ZNF544: variants seen among roughly 807,000 people sequenced by gnomAD.
ZNF544 encodes the protein zinc finger protein 544, also known as zinc finger protein AF020591.
ZNF544 carries 10 observed loss-of-function variants against 13.5 expected under a neutral mutation model. The observed-to-expected ratio is 0.74, with a 90% CI of 0.46 to 1.25. The LOEUF (loss-of-function observed/expected upper bound fraction) is 1.25, where lower values mean the gene tolerates loss of function less well. ZNF544 is among the 50% of genes most tolerant of loss of function. ZNF544 has a pLI of 0.00. For synonymous variants in ZNF544, 323 were observed against 300.5 expected (o/e 1.07, Z -0.77); for missense variants, 896 against 845.6 (o/e 1.06, Z -0.74).
At chr19:58,245,938 A>G (rs1330459476) in intron 4 of ZNF544, 1 of 340,584 alleles carries the variant, frequency 2.9e-6, no homozygotes, top group African/African-American at 2.2e-5. Context: ...TTGGGTTGCT[A>G]TAATAAGATA....
exon 7 of ZNF544, chr19:58,277,221 A>G: frequency 1.3e-6 from 1 of 747,232 alleles, no homozygotes; most frequent in Non-Finnish European, 1.6e-6. Context: ...GTACAGGGCC[A>G]GAAGGATCTG....
chr19:58,275,338 T>G (rs1600442854), intron 5 of ZNF544, among the ~76,000 whole-genome samples: 1 of 152,236 alleles, frequency 6.6e-6, no homozygotes, highest in Admixed American at 6.6e-5. Context: ...GTGACCTTCC[T>G]GAGCCCTCTG....
chr19:58,251,980 A>T (rs957419358), intron 6 of ZNF544, among the ~76,000 whole-genome samples: 1 of 152,176 alleles, frequency 6.6e-6, no homozygotes, highest in Admixed American at 6.5e-5. Context: ...AACCCAAACC[A>T]GGGGATTATT....
At position 58,262,719 on chromosome 19, in the gene ZNF544, G is replaced by C; in HGVS notation, c.2113G>C (p.Val705Leu). Residue 705 changes from valine to leucine, a missense_variant, in exon 7 of 7, where the codon GTG becomes CTG. Transcript: ENST00000687789. ...KSFRQQSQLV[V>L]HRRTHTGEKP Reference sequence around the variant, plus strand: ...CTTCCGGCAGCAATCTCAACTTGTAGTGCATCGGCGGACACATACTGGAGA... The same window carrying C: ...CTTCCGGCAGCAATCTCAACTTGTACTGCATCGGCGGACACATACTGGAGA... 1 of 1,608,886 alleles carries C rather than the reference G, an allele frequency of 6.2e-7. No homozygotes were observed. The highest frequency in any genetic ancestry group is 8.5e-7 in the Non-Finnish European group (1 of 1,176,452).
chr19:58,240,198 G>A (rs1269847404), intron 3 of ZNF544, among the ~76,000 whole-genome samples: 1 of 152,058 alleles, frequency 6.6e-6, no homozygotes, highest in Non-Finnish European at 1.5e-5. Flanking sequence ...CATTTTAACA[G>A]GCGGGATATC....
In ZNF544 at chr19:58,261,159, C is replaced by T. The variant is rs1039905020; in HGVS notation, c.553C>T (p.Pro185Ser). 2 of 1,613,996 alleles carry T rather than the reference C, an allele frequency of 1.2e-6. No individual in the cohort carries two copies. Among genetic ancestry groups the T allele is most frequent in the African/African-American group, 2.7e-5 (2 of 74,904 alleles). ...PTTLPTSTGF[P>S]KPNSQVKELK... ...AACATTACCTACAAGTACAGGTTTCCCTAAGCCCAACTCACAAGTTAAAGA... is the reference window on the plus strand; with the variant it reads ...AACATTACCTACAAGTACAGGTTTCTCTAAGCCCAACTCACAAGTTAAAGA... The change falls in exon 7 of 7, where the codon CCT becomes TCT. Residue 185 changes from proline (P) to serine (S), a missense_variant. Transcript: ENST00000687789.
rs2049388239 is a variant in ZNF544 at position 58,263,369 on chromosome 19, G to A, written c.*615G>A. On this transcript the variant is annotated 3_prime_UTR_variant, in exon 7 of 7. Coordinates refer to ENST00000687789, the MANE Select transcript of ZNF544 (RefSeq NM_014480.4). ...CTAGCTACTCAGGAGGCTGAGGTGG[G>A]AGGATCACTTGAGCTTGGGAGGCGG... 1.1e-6 allele frequency: 1 copy of A among 941,966 alleles called. No homozygotes were observed. The highest frequency in any genetic ancestry group is 4.9e-5 in the South Asian group (1 of 20,410). The allele number at this position is 941,966 out of a possible 1,614,324, so 58.4% of individuals were successfully genotyped here. A position where few individuals can be genotyped will look rare whatever the true frequency, so the allele number is the denominator to read the frequency against.
chr19:58,239,977 C>CTCAT (rs2043218003), intron 3 of ZNF544, among the ~76,000 whole-genome samples: 1 of 152,122 alleles, frequency 6.6e-6, no homozygotes, highest in South Asian at 2.1e-4. Flanking sequence ...CAGCATTCAG[C>CTCAT]TCATTCAGCT....
chr19:58,260,753 C>G, intron 6 of ZNF544, 98 bp from the exon 7 acceptor site: 1 of 1,151,126 alleles, frequency 8.7e-7, no homozygotes, highest in South Asian at 1.6e-5. Flanking sequence ...GGAAACAAAC[C>G]AGAGACACTT....
chr19:58,270,483 G>GTATT (rs1195018113), intron 5 of ZNF544, among the ~76,000 whole-genome samples: 5 of 152,074 alleles, frequency 3.3e-5, no homozygotes, highest in African/African-American at 9.7e-5. Context: ...TGTATTTTTA[G>GTATT]TAGACACAGG....
intron 5 of ZNF544, among the ~76,000 whole-genome samples, chr19:58,271,541 G>A (rs2050637946): frequency 6.6e-6 from 1 of 152,112 alleles, no homozygotes; most frequent in South Asian, 2.1e-4. Context: ...GGTTGAGGCT[G>A]CAGTTAGCTG....
At position 58,273,181 on chromosome 19, in the gene ZNF544, C is replaced by CA. The variant is rs543937467; in HGVS notation, c.245-3131dup. 3.9e-3 allele frequency among the ~76,000 whole-genome samples: 505 copies of CA among 130,698 alleles called. 3 individuals carry two copies. The highest frequency in any genetic ancestry group is 0.012 in the African/African-American group (442 of 35,724). The allele number at this position is 130,698 out of a possible 152,430, so 85.7% of individuals were successfully genotyped here. ...GGGCAACAAGAGCGAAACTCTGTCT[C>CA]AAAAAAAAAAAGAAGAAAGAAACCA... is the stretch of plus-strand genomic sequence containing the variant. On this transcript the variant is annotated intron_variant, in intron 5 of 6. Transcript: ENST00000595981.
At chr19:58,263,740 C>T (rs2049457943), downstream of ZNF544, 1 of 243,524 alleles carries the variant, frequency 4.1e-6, no homozygotes, top group South Asian at 1.5e-4. Flanking sequence ...GTGGGTGGAT[C>T]ACCTGAAGTC....
chr19:58,247,012 A>C (rs1237501262), intron 6 of ZNF544, among the ~76,000 whole-genome samples: 1 of 152,202 alleles, frequency 6.6e-6, no homozygotes, highest in Non-Finnish European at 1.5e-5. Flanking sequence ...CACCACAATC[A>C]GTTCTAGAAC....
chr19:58,243,636 T>G (rs1415577088), intron 3 of ZNF544, among the ~76,000 whole-genome samples: 2 of 152,102 alleles, frequency 1.3e-5, no homozygotes, highest in African/African-American at 4.8e-5. Context: ...TGAAAACAGC[T>G]TATGATCCAT....
chr19:58,263,540 TG>T lies in ZNF544; in HGVS notation c.*790del, dbSNP rs2049426840. Reference sequence around the variant, plus strand: ...GGTGGCCAAAACATGACTCTCAGAGTGGGGCTTCATGACCATGTGCATCAGA... The same window carrying T: ...GGTGGCCAAAACATGACTCTCAGAGTGGGCTTCATGACCATGTGCATCAGA... On this transcript the variant is annotated 3_prime_UTR_variant, in exon 7 of 7. Coordinates refer to ENST00000687789, the MANE Select transcript of ZNF544 (RefSeq NM_014480.4). 2 of 985,250 alleles carry T rather than the reference TG, an allele frequency of 2.0e-6. No individual in the cohort carries two copies. Among genetic ancestry groups the T allele is most frequent in the South Asian group, 4.7e-5 (1 of 21,290 alleles). 61.0% of individuals were successfully genotyped at this position (985,250 alleles called of 1,614,324 possible).
At position 58,261,981 on chromosome 19, in the gene ZNF544, A is replaced by G. The variant is rs376107021; in HGVS notation, c.1375A>G (p.Thr459Ala). ...SNLIVHQRIH[T>A]GEKPYECTHC... is the part of the protein sequence containing the mutation. Reference sequence around the variant, plus strand: ...CCTCATTGTACATCAGAGAATTCATACTGGAGAGAAACCGTATGAGTGCAC... The same window carrying G: ...CCTCATTGTACATCAGAGAATTCATGCTGGAGAGAAACCGTATGAGTGCAC... The change falls in exon 7 of 7, where the codon ACT becomes GCT. Residue 459 changes from threonine (T) to alanine (A), a missense_variant. Thr to Ala is a moderately conservative substitution (Grantham distance 58). Coordinates refer to ENST00000687789, the MANE Select transcript of ZNF544 (RefSeq NM_014480.4). 1.7e-5 allele frequency: 28 copies of G among 1,613,792 alleles called. No homozygotes were observed. The highest frequency in any genetic ancestry group is 4.0e-5 in the African/African-American group (3 of 74,814).
intron 3 of ZNF544, among the ~76,000 whole-genome samples, chr19:58,239,597 G>A (rs2043135926): frequency 6.6e-6 from 1 of 152,108 alleles, no homozygotes; most frequent in African/African-American, 2.4e-5. Flanking sequence ...ACATTGAAAA[G>A]ATACAGATTA....
Position 58,261,098 on chromosome 19 carries a change from T to G in ZNF544, c.492T>G (p.Gly164=). Residue 164 remains glycine, a synonymous_variant, in exon 7 of 7, where the codon GGT becomes GGG. Transcript: ENST00000687789. ...ATTGTGAGCTTGAACTTGGGGGAGGTTATTCTCTACCTTCTACTTTAAGCC... is the reference window on the plus strand; with the variant it reads ...ATTGTGAGCTTGAACTTGGGGGAGGGTATTCTCTACCTTCTACTTTAAGCC... ...REHCELELGG[G]YSLPSTLSLL... 1 of 1,614,072 alleles carries G rather than the reference T, an allele frequency of 6.2e-7. No homozygotes were observed. Among genetic ancestry groups the G allele is most frequent in the Non-Finnish European group, 8.5e-7 (1 of 1,180,024 alleles).
Sources: gnomAD v4.1 joint callset for allele counts (sites outside exome capture counted in the v4.1 genomes callset) on GRCh38, gnomAD v4.1.1 for gene constraint, MANE v1.5 for transcripts, NCBI Gene and HGNC (gene_info 2026-07-23, HGNC 2026-07-21) for gene names.